Variants in CLOCK observed in about 807,000 individuals in gnomAD.
The protein encoded by CLOCK is circadian locomoter output cycles protein kaput.
A neutral mutation model predicts 118.4 loss-of-function variants in CLOCK; 43 were observed. The observed-to-expected ratio is 0.36, with a 90% CI of 0.28 to 0.47. The LOEUF (loss-of-function observed/expected upper bound fraction) is 0.47. Among genes scored for constraint, CLOCK ranks in the 20% least tolerant of loss-of-function variants. The pLI is 1.00. For missense variants in CLOCK, 846 were observed against 999.9 expected, an observed-to-expected ratio of 0.85 and a Z score of 2.08; for synonymous variants, 326 against 339.2, an observed-to-expected ratio of 0.96 and a Z score of 0.43.
intron 13 of CLOCK, among the ~76,000 whole-genome samples, chr4:55,454,613 CAAAAAAA>C (rs10566273): frequency 8.6e-5 from 6 of 69,486 alleles, no homozygotes; most frequent in South Asian, 7.3e-4. Context: ...GACTCCATCC[CAAAAAAA>C]AAAAAAAAAA....
chr4:55,447,089 G>A (rs368871994), intron 18 of CLOCK, among the ~76,000 whole-genome samples: 6 of 150,828 alleles, frequency 4.0e-5, no homozygotes, highest in African/African-American at 7.3e-5. Flanking sequence ...AATTATGGCC[G>A]GGCATGGTGG....
chr4:55,491,188 A>C (rs1727649841), intron 2 of CLOCK, among the ~76,000 whole-genome samples: 1 of 146,730 alleles, frequency 6.8e-6, no homozygotes, highest in Admixed American at 7.0e-5. Flanking sequence ...ATCTTATTTC[A>C]GTCAATGACT....
At chr4:55,450,832 T>C (rs1724376688) in intron 15 of CLOCK, among the ~76,000 whole-genome samples, 1 of 151,596 alleles carries the variant, frequency 6.6e-6, no homozygotes, top group Admixed American at 6.6e-5. Flanking sequence ...TAAAACTACA[T>C]AACTCTTACA....
At chr4:55,543,598 A>T in intron 1 of CLOCK, among the ~76,000 whole-genome samples, 1 of 152,106 alleles carries the variant, frequency 6.6e-6, no homozygotes, top group East Asian at 1.9e-4. Flanking sequence ...CACTTATTAT[A>T]TATACACTGT....
At chr4:55,484,589 T>C (rs1293381475) in intron 3 of CLOCK, among the ~76,000 whole-genome samples, 3 of 152,072 alleles carry the variant, frequency 2.0e-5, no homozygotes, top group Non-Finnish European at 4.4e-5. Flanking sequence ...GCTGATTCTA[T>C]CACTAGAAGA....
At chr4:55,540,169 G>A (rs946385574) in intron 1 of CLOCK, among the ~76,000 whole-genome samples, 2 of 151,722 alleles carry the variant, frequency 1.3e-5, no homozygotes, top group African/African-American at 2.4e-5. Context: ...CACCATGCCC[G>A]GCTAATTTTT....
At chr4:55,443,940 AAAG>A in intron 19 of CLOCK, 44 bp from the exon 20 acceptor site, 5 of 1,559,110 alleles carry the variant, frequency 3.2e-6, no homozygotes, top group Non-Finnish European at 4.4e-6. Flanking sequence ...TGTAGATTGA[AAAG>A]AAGAATGAGC....
intron 9 of CLOCK, among the ~76,000 whole-genome samples, chr4:55,463,016 A>G (rs1725476199): frequency 6.6e-6 from 1 of 152,222 alleles, no homozygotes; most frequent in Admixed American, 6.5e-5. Flanking sequence ...GGTGAAATGT[A>G]CTGCTGTAAC....
chr4:55,435,045 T>C lies in CLOCK; in HGVS notation c.*370A>G. 1 of 323,316 alleles carries C rather than the reference T, an allele frequency of 3.1e-6. No individual in the cohort carries two copies. The highest frequency in any genetic ancestry group is 6.1e-6 in the Non-Finnish European group (1 of 164,216). 20.0% of individuals were successfully genotyped at this position (323,316 alleles called of 1,614,324 possible). On this transcript the variant is annotated 3_prime_UTR_variant, in exon 23 of 23. Coordinates refer to ENST00000513440, the MANE Select transcript of CLOCK (RefSeq NM_004898.4). ...GGCAGTGGTATGTCCTCTGTAACAC[T>C]TGATAAGAGGCACAGAACCACTAAA... is the stretch of plus-strand genomic sequence containing the variant.
chr4:55,433,692 G>A lies in CLOCK; in HGVS notation c.*1723C>T, dbSNP rs1722669888. The A allele has an allele frequency of 6.6e-6, 1 of 151,746 alleles. No individual in the cohort carries two copies. Among genetic ancestry groups the A allele is most frequent in the African/African-American group, 2.4e-5 (1 of 41,282 alleles). 9.4% of individuals were successfully genotyped at this position (151,746 alleles called of 1,614,324 possible). A position where few individuals can be genotyped will look rare whatever the true frequency, so the allele number is the denominator to read the frequency against. ...ATGTATTTTCTACTAATCCTCTTTT[G>A]TTCTATCACTGTAAATTTCATTAGT... is the stretch of plus-strand genomic sequence containing the variant. On this transcript the variant is annotated 3_prime_UTR_variant, in exon 23 of 23. Coordinates refer to ENST00000513440, the MANE Select transcript of CLOCK (RefSeq NM_004898.4).
intron 11 of CLOCK, among the ~76,000 whole-genome samples, chr4:55,457,749 G>A (rs1421531429): frequency 2.0e-5 from 3 of 152,072 alleles, no homozygotes; most frequent in East Asian, 3.9e-4. Flanking sequence ...GCAGCACTCT[G>A]TAATAGTTGA....
chr4:55,535,735 G>C (rs1004510655), intron 1 of CLOCK, among the ~76,000 whole-genome samples: 5 of 137,346 alleles, frequency 3.6e-5, no homozygotes, highest in African/African-American at 1.2e-4. Flanking sequence ...AGTGATGGGA[G>C]AATCTTTTTT....
chr4:55,462,061 G>C (rs1165066756), intron 9 of CLOCK, among the ~76,000 whole-genome samples: 1 of 152,122 alleles, frequency 6.6e-6, no homozygotes, highest in Non-Finnish European at 1.5e-5. Context: ...TCTGGGGCAA[G>C]AACTCTTTTG....
intron 18 of CLOCK, among the ~76,000 whole-genome samples, 157 bp downstream of exon 18, chr4:55,448,622 G>A (rs1023201094): frequency 6.6e-6 from 1 of 151,616 alleles, no homozygotes. Flanking sequence ...GTGTGTGTGT[G>A]TGTGTGTGTG....
At chr4:55,519,028 T>C (rs560949175) in intron 1 of CLOCK, among the ~76,000 whole-genome samples, 62 of 152,294 alleles carry the variant, frequency 4.1e-4, no homozygotes, top group Non-Finnish European at 6.8e-4. Context: ...CTCCAGATGC[T>C]TATTATTCAA....
chr4:55,539,041 T>C (rs931123607), intron 1 of CLOCK, among the ~76,000 whole-genome samples: 4 of 151,278 alleles, frequency 2.6e-5, no homozygotes, highest in African/African-American at 9.7e-5. Context: ...GAGACCTGCG[T>C]GGCCAACATG....
intron 3 of CLOCK, among the ~76,000 whole-genome samples, chr4:55,486,886 C>T (rs1425667083): frequency 6.6e-6 from 1 of 152,068 alleles, no homozygotes; most frequent in African/African-American, 2.4e-5. Context: ...TAACTCATGT[C>T]CTCTAATTCT....
chr4:55,521,676 A>C (rs996303739), intron 1 of CLOCK, among the ~76,000 whole-genome samples: 1 of 152,170 alleles, frequency 6.6e-6, no homozygotes, highest in African/African-American at 2.4e-5. Flanking sequence ...TGGGCCTCAG[A>C]CTCAGACATA....
At chr4:55,437,456 C>T (rs1161445455) in intron 22 of CLOCK, among the ~76,000 whole-genome samples, 2 of 152,190 alleles carry the variant, frequency 1.3e-5, no homozygotes, top group Non-Finnish European at 2.9e-5. Flanking sequence ...TGCTGAGGAT[C>T]TTGCCTAGTG....
Sources: allele counts gnomAD v4.1 joint callset (sites outside exome capture counted in the v4.1 genomes callset), GRCh38; gene constraint gnomAD v4.1.1; transcripts MANE v1.5; gene names NCBI Gene and HGNC (gene_info 2026-07-23, HGNC 2026-07-21).